ZBTB20: variants seen among roughly 807,000 people sequenced by gnomAD.
The protein encoded by ZBTB20 is zinc finger and BTB domain-containing protein 20.
In ZBTB20, 9 loss-of-function variants were observed where a neutral mutation model predicts 56.9. That is an observed-to-expected ratio of 0.16 (90% CI 0.10 to 0.28). The LOEUF is 0.28. Ranked by LOEUF, ZBTB20 falls within the 10% of genes least tolerant of loss-of-function variation. ZBTB20 has a pLI of 1.00. For synonymous variants in ZBTB20, 417 were observed against 420.7 expected, an observed-to-expected ratio of 0.99 and a Z score of 0.11; for missense variants, 655 against 1,003.0, an observed-to-expected ratio of 0.65 and a Z score of 4.69.
intron 1 of ZBTB20, among the ~76,000 whole-genome samples, chr3:115,093,150 C>T (rs1022966388): frequency 6.6e-6 from 1 of 152,066 alleles, no homozygotes; most frequent in Admixed American, 6.6e-5. Context: ...CACTTTAAAT[C>T]CTTTTTGATA....
intron 6 of ZBTB20, among the ~76,000 whole-genome samples, chr3:114,678,703 A>C (rs1040569012): frequency 1.3e-5 from 2 of 152,214 alleles, no homozygotes; most frequent in Admixed American, 1.3e-4. Context: ...AATTACTTAC[A>C]ATGTAATGCC....
intron 6 of ZBTB20, among the ~76,000 whole-genome samples, chr3:114,531,783 G>A (rs1004812406): frequency 2.6e-5 from 4 of 152,192 alleles, no homozygotes; most frequent in Non-Finnish European, 4.4e-5. Context: ...TTCCAACAGA[G>A]GTACCTGGCT....
intron 5 of ZBTB20, among the ~76,000 whole-genome samples, chr3:114,775,257 T>C (rs934512013): frequency 6.6e-6 from 1 of 152,172 alleles, no homozygotes. Flanking sequence ...AAATATGTTG[T>C]ATCAGAGTGT....
intron 6 of ZBTB20, chr3:114,599,188 T>C (rs1044796867): frequency 3.9e-5 from 6 of 152,094 alleles, no homozygotes; most frequent in African/African-American, 9.7e-5. Context: ...CATTTCATGA[T>C]GGAAGCCATG....
chr3:114,901,154 C>T (rs1182113796), intron 3 of ZBTB20, among the ~76,000 whole-genome samples: 1 of 151,918 alleles, frequency 6.6e-6, no homozygotes, highest in Non-Finnish European at 1.5e-5. Context: ...CCTGTAATCC[C>T]AGCACTATGG....
intron 5 of ZBTB20, among the ~76,000 whole-genome samples, chr3:114,697,170 T>C (rs576073281): frequency 2.6e-5 from 4 of 151,386 alleles, no homozygotes; most frequent in Admixed American, 6.6e-5. Flanking sequence ...TTTATATAAC[T>C]GGCTTTTTTA....
chr3:114,601,900 A>T (rs779209637), intron 6 of ZBTB20, among the ~76,000 whole-genome samples: 2 of 152,026 alleles, frequency 1.3e-5, no homozygotes, highest in African/African-American at 2.4e-5. Flanking sequence ...GTGCCAACCA[A>T]GGAATATTAC....
chr3:115,116,718 G>C (rs2084030379), intron 1 of ZBTB20, among the ~76,000 whole-genome samples: 2 of 152,024 alleles, frequency 1.3e-5, no homozygotes, highest in South Asian at 4.1e-4. Flanking sequence ...GAGAAAGAAA[G>C]AGAGAGACAG....
intron 3 of ZBTB20, among the ~76,000 whole-genome samples, chr3:114,939,442 T>A (rs979068155): frequency 1.4e-5 from 2 of 146,184 alleles, no homozygotes; most frequent in Non-Finnish European, 2.9e-5. Flanking sequence ...CTTTTAAAAT[T>A]AAAAGCTTTG....
At chr3:114,399,242 GAA>G (rs1320616308) in intron 7 of ZBTB20, among the ~76,000 whole-genome samples, 1 of 152,116 alleles carries the variant, frequency 6.6e-6, no homozygotes, top group African/African-American at 2.4e-5. Flanking sequence ...TAGCAGAAGA[GAA>G]AGTGCATTTT....
chr3:114,461,857 C>T (rs34228915), intron 7 of ZBTB20, among the ~76,000 whole-genome samples: 2,527 of 152,224 alleles, frequency 0.017, 39 homozygotes, highest in Non-Finnish European at 0.022. Flanking sequence ...TAGCTGAGAA[C>T]AATTGTCATA....
rs115062629 is a variant in ZBTB20, at chr3:114,968,159, T to A, written c.-456+6207A>T. Among the ~76,000 whole-genome samples the A allele has an allele frequency of 5.3e-3, 804 of 152,262 alleles. 5 individuals are homozygous for A. Among genetic ancestry groups the A allele is most frequent in the Non-Finnish European group, 8.9e-3 (602 of 68,004 alleles). ...TGTATATATTATATATAGATACATA[T>A]GCATTTACATTTCCACATTTATTCC... On this transcript the variant is annotated intron_variant, in intron 3 of 11. Coordinates refer to ENST00000675478, the MANE Select transcript of ZBTB20 (RefSeq NM_001348800.3).
intron 5 of ZBTB20, among the ~76,000 whole-genome samples, chr3:114,758,363 A>G (rs1292771565): frequency 6.6e-6 from 1 of 152,170 alleles, no homozygotes; most frequent in African/African-American, 2.4e-5. Flanking sequence ...AAAAGACCAC[A>G]CAATTGACAA....
intron 2 of ZBTB20, among the ~76,000 whole-genome samples, chr3:114,976,857 CACTT>C (rs2078123218): frequency 6.6e-6 from 1 of 151,900 alleles, no homozygotes; most frequent in Non-Finnish European, 1.5e-5. Context: ...GCTCAATAAA[CACTT>C]AGAGAACAAA....
chr3:114,793,409 GA>G (rs1278766297), intron 5 of ZBTB20, among the ~76,000 whole-genome samples: 4 of 151,882 alleles, frequency 2.6e-5, no homozygotes, highest in Non-Finnish European at 5.9e-5. Flanking sequence ...TTATTGGAAC[GA>G]TTATATGTGA....
At chr3:114,500,905 G>A (rs2043871595) in intron 6 of ZBTB20, among the ~76,000 whole-genome samples, 2 of 152,140 alleles carry the variant, frequency 1.3e-5, no homozygotes, top group South Asian at 4.2e-4. Flanking sequence ...CTTCTATTGG[G>A]CAGCACTGAC....
chr3:114,641,327 G>A (rs899872416), intron 6 of ZBTB20, among the ~76,000 whole-genome samples: 22 of 151,904 alleles, frequency 1.4e-4, no homozygotes, highest in South Asian at 4.2e-4. Flanking sequence ...CAAAGATCTA[G>A]AAAAGAAAGA....
At position 115,093,599 on chromosome 3, in the gene ZBTB20, C is replaced by T. The variant is rs115250170; in HGVS notation, c.-702-22185G>A. On this transcript the variant is annotated intron_variant, in intron 1 of 11. Coordinates refer to ENST00000675478, the MANE Select transcript of ZBTB20 (RefSeq NM_001348800.3). ...AGGAAACACACGCACACTTATCCAG[C>T]TAATCACTTCATCTATTTTAATTCA... Among the ~76,000 whole-genome samples, 1,447 of 152,248 alleles carry T rather than the reference C, an allele frequency of 9.5e-3. 23 individuals are homozygous for T. The highest frequency in any genetic ancestry group is 0.032 in the African/African-American group (1,344 of 41,522).
intron 5 of ZBTB20, among the ~76,000 whole-genome samples, chr3:114,748,662 C>T (rs1398819321): frequency 6.6e-6 from 1 of 152,058 alleles, no homozygotes; most frequent in Admixed American, 6.6e-5. Context: ...TTGGGCACTT[C>T]TGTAGAAAAT....
Sources: gnomAD v4.1 joint callset for allele counts (sites outside exome capture counted in the v4.1 genomes callset) on GRCh38, gnomAD v4.1.1 for gene constraint, MANE v1.5 for transcripts, NCBI Gene and HGNC (gene_info 2026-07-23, HGNC 2026-07-21) for gene names.